GRID1: variants seen among roughly 807,000 people sequenced by gnomAD.
The protein encoded by GRID1 is glutamate ionotropic receptor delta type subunit 1, also known as glutamate receptor ionotropic, delta-1.
In GRID1, 28 loss-of-function variants were observed where a neutral mutation model predicts 98.0. That is an observed-to-expected ratio of 0.29 (90% CI 0.21 to 0.39). The LOEUF (loss-of-function observed/expected upper bound fraction) is 0.39. GRID1 is among the 10% of genes least tolerant of loss of function. GRID1 has a pLI of 1.00. For synonymous variants in GRID1, 553 were observed against 538.5 expected (o/e 1.03, Z -0.37); for missense variants, 1,111 against 1,340.5 (o/e 0.83, Z 2.67).
intron 4 of GRID1, among the ~76,000 whole-genome samples, chr10:85,961,002 A>G (rs900957193): frequency 4.0e-5 from 6 of 151,872 alleles, no homozygotes; most frequent in African/African-American, 1.2e-4. Flanking sequence ...GAGGCTGGCA[A>G]GGAGCTCTCT....
At chr10:86,296,663 C>T (rs958174149) in intron 2 of GRID1, among the ~76,000 whole-genome samples, 12 of 152,044 alleles carry the variant, frequency 7.9e-5, no homozygotes, top group Admixed American at 3.9e-4. Flanking sequence ...CGCTCGAACC[C>T]GAGAGACAGA....
chr10:85,976,825 G>A (rs1052438997), intron 4 of GRID1, among the ~76,000 whole-genome samples: 1 of 152,206 alleles, frequency 6.6e-6, no homozygotes, highest in African/African-American at 2.4e-5. Context: ...GGCCCCACAG[G>A]ACAGGCTAAG....
chr10:85,856,266 G>A (rs1229259981), intron 6 of GRID1, 76 bp from the exon 7 acceptor site: 19 of 1,320,358 alleles, frequency 1.4e-5, no homozygotes, highest in Non-Finnish European at 1.8e-5. Flanking sequence ...ACAGAAAGGA[G>A]GAGGAATGCA....
chr10:85,881,051 G>C (rs57873516), intron 5 of GRID1, among the ~76,000 whole-genome samples: 1 of 152,092 alleles, frequency 6.6e-6, no homozygotes, highest in African/African-American at 2.4e-5. Context: ...AAATACCTAG[G>C]AATCCAACTT....
chr10:85,911,283 G>A (rs1266256700), intron 5 of GRID1, among the ~76,000 whole-genome samples: 1 of 152,162 alleles, frequency 6.6e-6, no homozygotes, highest in Non-Finnish European at 1.5e-5. Flanking sequence ...GTTTTGGGGA[G>A]GATGGTGAGT....
intron 5 of GRID1, among the ~76,000 whole-genome samples, chr10:85,906,880 T>C (rs1465137604): frequency 6.6e-6 from 1 of 151,734 alleles, no homozygotes; most frequent in African/African-American, 2.4e-5. Context: ...GACAAAACAA[T>C]AAATTAATAT....
At chr10:85,654,178 A>T (rs1840866640) in intron 12 of GRID1, among the ~76,000 whole-genome samples, 1 of 152,152 alleles carries the variant, frequency 6.6e-6, no homozygotes, top group South Asian at 2.1e-4. Flanking sequence ...TCGGAGGGCC[A>T]GCTGAGGTGT....
At chr10:86,125,697 C>T (rs1276333571) in intron 4 of GRID1, among the ~76,000 whole-genome samples, 10 of 152,096 alleles carry the variant, frequency 6.6e-5, no homozygotes, top group Admixed American at 2.0e-4. Flanking sequence ...TCCATCTCTC[C>T]CGCCTCGGCC....
chr10:86,120,647 C>A (rs1297016855), intron 4 of GRID1, among the ~76,000 whole-genome samples: 2 of 152,140 alleles, frequency 1.3e-5, no homozygotes. Context: ...CACTAGAGTC[C>A]TATATAACCA....
chr10:86,052,114 T>C (rs1429657255), intron 4 of GRID1, among the ~76,000 whole-genome samples: 5 of 152,058 alleles, frequency 3.3e-5, no homozygotes, highest in Non-Finnish European at 5.9e-5. Context: ...CTGAGAAAAA[T>C]AGGCAAGCCT....
chr10:85,956,876 A>C (rs1224738067), intron 4 of GRID1, among the ~76,000 whole-genome samples: 3 of 152,182 alleles, frequency 2.0e-5, no homozygotes, highest in Non-Finnish European at 4.4e-5. Context: ...ACTGTGTATC[A>C]GTTCGTTTTC....
At chr10:85,973,588 C>T (rs1842434584) in intron 4 of GRID1, among the ~76,000 whole-genome samples, 1 of 152,000 alleles carries the variant, frequency 6.6e-6, no homozygotes. Context: ...TAATACTGGC[C>T]CCCTTCATTA....
chr10:85,984,710 G>T (rs530501717), intron 4 of GRID1, among the ~76,000 whole-genome samples: 4 of 152,296 alleles, frequency 2.6e-5, no homozygotes, highest in African/African-American at 9.6e-5. Flanking sequence ...GGCTCAGGAA[G>T]GGGAAGGGAG....
rs73336602 is a variant in GRID1 at position 85,852,060 on chromosome 10, T to C, written c.1233+2436A>G. Among the ~76,000 whole-genome samples the C allele has an allele frequency of 5.4e-3, 826 of 152,036 alleles. 6 individuals are homozygous for C. Among genetic ancestry groups the C allele is most frequent in the African/African-American group, 0.019 (779 of 41,470 alleles). ...CCCTTCTCCTTGGTTCATCTGAAACTCCCTGGACTTGCTTTAATGCACCCT... is the reference window on the plus strand; with the variant it reads ...CCCTTCTCCTTGGTTCATCTGAAACCCCCTGGACTTGCTTTAATGCACCCT... On this transcript the variant is annotated intron_variant, in intron 8 of 15. Coordinates refer to ENST00000327946, the MANE Select transcript of GRID1 (RefSeq NM_017551.3).
At chr10:86,019,490 A>C (rs1843022152) in intron 4 of GRID1, among the ~76,000 whole-genome samples, 1 of 152,226 alleles carries the variant, frequency 6.6e-6, no homozygotes, top group African/African-American at 2.4e-5. Flanking sequence ...ACCCCCCTCC[A>C]TTCCAACCAC....
chr10:86,298,892 T>C (rs1847636031), intron 2 of GRID1, among the ~76,000 whole-genome samples: 1 of 152,188 alleles, frequency 6.6e-6, no homozygotes, highest in African/African-American at 2.4e-5. Flanking sequence ...CACGGATCCC[T>C]GGCCTGCAAT....
chr10:86,009,422 C>T (rs1842900751), intron 4 of GRID1, among the ~76,000 whole-genome samples: 1 of 152,078 alleles, frequency 6.6e-6, no homozygotes, highest in Non-Finnish European at 1.5e-5. Flanking sequence ...GATTCTACAG[C>T]CCTGATGATA....
intron 8 of GRID1, among the ~76,000 whole-genome samples, chr10:85,823,232 A>G (rs1590248913): frequency 6.6e-6 from 1 of 152,204 alleles, no homozygotes; most frequent in East Asian, 1.9e-4. Context: ...CAATTATTTT[A>G]CTTCAATCAT....
In GRID1 at chr10:86,198,342, T is replaced by G. The variant is rs144331171; in HGVS notation, c.520+8022A>C. ...TGAAAGAGCTGACCCCCAAGCTCTCTCTGTTTCCCCAAGCACCAAGAACAC... is the reference window on the plus strand; with the variant it reads ...TGAAAGAGCTGACCCCCAAGCTCTCGCTGTTTCCCCAAGCACCAAGAACAC... On this transcript the variant is annotated intron_variant, in intron 3 of 15. Transcript: ENST00000327946. 2.5e-3 allele frequency among the ~76,000 whole-genome samples: 381 copies of G among 152,146 alleles called. 2 individuals carry two copies. The highest frequency in any genetic ancestry group is 8.6e-3 in the African/African-American group (359 of 41,532).
Sources: allele counts gnomAD v4.1 joint callset (sites outside exome capture counted in the v4.1 genomes callset), GRCh38; gene constraint gnomAD v4.1.1; transcripts MANE v1.5; gene names NCBI Gene and HGNC (gene_info 2026-07-23, HGNC 2026-07-21).